Variants in ARHGAP21 observed in about 807,000 individuals in gnomAD.
ARHGAP21 encodes the protein rho GTPase-activating protein 21.
In ARHGAP21, 38 loss-of-function variants were observed where a neutral mutation model predicts 164.6. The observed-to-expected ratio is 0.23, with a 90% confidence interval of 0.18 to 0.30. ARHGAP21 has a LOEUF of 0.30. Among genes scored for constraint, ARHGAP21 ranks in the 10% least tolerant of loss-of-function variants. The probability of loss-of-function intolerance (pLI) is 1.00; values close to 1 mark genes in which losing one functional copy is unlikely to be tolerated. For synonymous variants in ARHGAP21, 766 were observed against 857.9 expected, an observed-to-expected ratio of 0.89 and a Z score of 1.87; for missense variants, 1,822 against 2,370.7, an observed-to-expected ratio of 0.77 and a Z score of 4.81.
intron 3 of ARHGAP21, among the ~76,000 whole-genome samples, chr10:24,668,078 A>G (rs1840364839): frequency 6.6e-6 from 1 of 152,184 alleles, no homozygotes; most frequent in Non-Finnish European, 1.5e-5. Flanking sequence ...GTATTGTATC[A>G]TTTAATCATC....
At chr10:24,720,176 A>G (rs1215336813) in intron 2 of ARHGAP21, among the ~76,000 whole-genome samples, 1 of 152,050 alleles carries the variant, frequency 6.6e-6, no homozygotes, top group Non-Finnish European at 1.5e-5. Flanking sequence ...CCAAGTGTGC[A>G]ACAAACTGGA....
intron 4 of ARHGAP21, 84 bp from the exon 5 acceptor site, chr10:24,635,187 T>A: frequency 2.4e-6 from 2 of 826,116 alleles, no homozygotes; most frequent in South Asian, 2.6e-5. Context: ...TTGAGAGAAT[T>A]AAGCAAAGCT....
intron 2 of ARHGAP21, among the ~76,000 whole-genome samples, chr10:24,715,508 T>C (rs1450291955): frequency 1.3e-5 from 2 of 152,214 alleles, no homozygotes; most frequent in African/African-American, 4.8e-5. Context: ...TCTCATCTCT[T>C]AGTGGAAATT....
At chr10:24,668,858 T>TA (rs529348025) in intron 3 of ARHGAP21, among the ~76,000 whole-genome samples, 3 of 152,116 alleles carry the variant, frequency 2.0e-5, no homozygotes, top group Admixed American at 2.0e-4. Flanking sequence ...AATTATCTTA[T>TA]AAAAAAATTG....
At chr10:24,598,836 G>A (rs541006268) in intron 14 of ARHGAP21, among the ~76,000 whole-genome samples, 1 of 152,142 alleles carries the variant, frequency 6.6e-6, no homozygotes, top group Non-Finnish European at 1.5e-5. Context: ...GAATAAGACT[G>A]CCTGGATTTA....
rs754446131 is a variant in ARHGAP21, at chr10:24,602,118, A to G, written c.2722-15T>C. 6.2e-7 allele frequency: 1 copy of G among 1,601,880 alleles called. No individual in the cohort carries two copies. The highest frequency in any genetic ancestry group is 8.5e-7 in the Non-Finnish European group (1 of 1,175,646). On this transcript the variant is annotated splice_polypyrimidine_tract_variant and intron_variant, in intron 12 of 25. Coordinates refer to ENST00000396432, the MANE Select transcript of ARHGAP21 (RefSeq NM_020824.4). ...CTGTCTGCGATCTATAGAAAAGACC[A>G]AGAAAACAGTAAAATGTCAGCATTT...
chr10:24,686,727 T>C (rs531386426), intron 2 of ARHGAP21, among the ~76,000 whole-genome samples: 46 of 152,308 alleles, frequency 3.0e-4, no homozygotes, highest in Admixed American at 5.9e-4. Flanking sequence ...ACGCAAGCAG[T>C]TGTTACCTTT....
chr10:24,692,196 T>C (rs148307436), intron 2 of ARHGAP21, among the ~76,000 whole-genome samples: 16 of 152,294 alleles, frequency 1.1e-4, no homozygotes, highest in East Asian at 1.9e-4. Context: ...GTCTGTGATA[T>C]GGGTTTAAAG....
intron 2 of ARHGAP21, among the ~76,000 whole-genome samples, chr10:24,682,696 CTTTT>C (rs1013631860): frequency 6.9e-6 from 1 of 144,514 alleles, no homozygotes; most frequent in African/African-American, 2.5e-5. Context: ...ATTTCTTTCT[CTTTT>C]TTTTTTTGTC....
At chr10:24,720,945 A>AT (rs1273260227) in intron 2 of ARHGAP21, among the ~76,000 whole-genome samples, 1 of 152,050 alleles carries the variant, frequency 6.6e-6, no homozygotes, top group Non-Finnish European at 1.5e-5. Context: ...TAAACATAGT[A>AT]TATTCATAAT....
At chr10:24,672,746 T>A (rs1171627742) in intron 2 of ARHGAP21, among the ~76,000 whole-genome samples, 1 of 152,120 alleles carries the variant, frequency 6.6e-6, no homozygotes, top group African/African-American at 2.4e-5. Context: ...ATAATTTGCC[T>A]CATATAAAGG....
rs540490907 is a variant in ARHGAP21, at chr10:24,677,699, T to G, written c.64-7302A>C. Reference sequence around the variant, plus strand: ...GGTATGCTAGGCTTAGTTTCCCAAATAGTCTAGTTAAGCTGTAAGTAATGA... The same window carrying G: ...GGTATGCTAGGCTTAGTTTCCCAAAGAGTCTAGTTAAGCTGTAAGTAATGA... On this transcript the variant is annotated intron_variant, in intron 2 of 25. Coordinates refer to ENST00000396432, the MANE Select transcript of ARHGAP21 (RefSeq NM_020824.4). 3.9e-5 allele frequency among the ~76,000 whole-genome samples: 6 copies of G among 152,308 alleles called. No individual in the cohort carries two copies. The East Asian group carries it at 1.2e-3, about 29-fold the overall frequency.
chr10:24,715,302 G>A (rs766128659), intron 2 of ARHGAP21, among the ~76,000 whole-genome samples: 19 of 151,954 alleles, frequency 1.3e-4, no homozygotes, highest in Non-Finnish European at 1.9e-4. Context: ...ATTTCATCAC[G>A]GTCAATGTTT....
chr10:24,667,273 G>C (rs138606221), intron 3 of ARHGAP21, among the ~76,000 whole-genome samples: 155 of 152,252 alleles, frequency 1.0e-3, no homozygotes, highest in African/African-American at 3.6e-3. Context: ...GCAGGCTGTG[G>C]GTGAAGCCAA....
At chr10:24,709,770 CACAACA>C (rs144410501) in intron 2 of ARHGAP21, among the ~76,000 whole-genome samples, 8,538 of 148,746 alleles carry the variant, frequency 0.057, 524 homozygotes, top group East Asian at 0.28. Context: ...CAGACAAGGA[CACAACA>C]ACAACAACAA....
At chr10:24,670,450 A>T in intron 2 of ARHGAP21, 53 bp from the exon 3 acceptor site, 2 of 1,240,510 alleles carry the variant, frequency 1.6e-6, no homozygotes, top group Non-Finnish European at 2.1e-6. Context: ...ATACTTCCTC[A>T]TCTAAAAAAA....
chr10:24,713,236 G>A (rs1049967014), intron 2 of ARHGAP21, among the ~76,000 whole-genome samples: 1 of 152,182 alleles, frequency 6.6e-6, no homozygotes, highest in African/African-American at 2.4e-5. Context: ...GGGCAAAGAA[G>A]TTGTGGGATT....
At position 24,585,379 on chromosome 10, in the gene ARHGAP21, C is replaced by T. The variant is rs1169297092; in HGVS notation, c.4910G>A (p.Ser1637Asn). ...ISEGRPVETDSESEFPVFPTA... is the reference protein window; with the variant it reads ...ISEGRPVETDNESEFPVFPTA... ...GGGGAACACGGGAAACTCGCTCTCGCTGTCGGTTTCCACAGGCCGCCCTTC... is the reference window on the plus strand; with the variant it reads ...GGGGAACACGGGAAACTCGCTCTCGTTGTCGGTTTCCACAGGCCGCCCTTC... Residue 1637 changes from serine to asparagine, a missense_variant, in exon 26 of 26, where the codon AGC becomes AAC. Ser to Asn is a conservative substitution (Grantham distance 46). Around this residue, in one of 5 missense-constraint regions of ARHGAP21, gnomAD observed 333 missense variants for 383.9 expected, o/e 0.87. Coordinates refer to ENST00000396432, the MANE Select transcript of ARHGAP21 (RefSeq NM_020824.4). 17 of 1,613,858 alleles carry T rather than the reference C, an allele frequency of 1.1e-5. No homozygotes were observed. The highest frequency in any genetic ancestry group is 1.4e-5 in the Non-Finnish European group (16 of 1,180,054).
At chr10:24,713,626 GTTTCTTTT>G (rs1845065176) in intron 2 of ARHGAP21, among the ~76,000 whole-genome samples, 1 of 149,292 alleles carries the variant, frequency 6.7e-6, no homozygotes. Flanking sequence ...ATCACATCAA[GTTTCTTTT>G]TTTCTTTTTT....
Sources: gnomAD v4.1 joint callset for allele counts (sites outside exome capture counted in the v4.1 genomes callset) on GRCh38, gnomAD v4.1.1 for gene constraint, gnomAD v4.1.1 regional missense constraint, MANE v1.5 for transcripts, NCBI Gene and HGNC (gene_info 2026-07-23, HGNC 2026-07-21) for gene names.